RIN2: variants seen among roughly 807,000 people sequenced by gnomAD.
The protein encoded by RIN2 is RAB5 interacting protein 2.
RIN2 carries 36 observed loss-of-function variants against 78.0 expected under a neutral mutation model. That is an observed-to-expected ratio of 0.46 (90% CI 0.35 to 0.61). RIN2 has a LOEUF of 0.61. Ranked by LOEUF, RIN2 falls within the 20% of genes least tolerant of loss-of-function variation. The probability of loss-of-function intolerance (pLI) is 0.00; values close to 1 mark genes in which losing one functional copy is unlikely to be tolerated. For synonymous variants in RIN2, 466 were observed against 466.8 expected (o/e 1.00, Z 0.02); for missense variants, 1,087 against 1,159.7 (o/e 0.94, Z 0.91).
chr20:19,921,571 G>GCTC (rs1268734078), intron 3 of RIN2, among the ~76,000 whole-genome samples: 6 of 152,334 alleles, frequency 3.9e-5, no homozygotes, highest in African/African-American at 1.4e-4. Flanking sequence ...CAGCATTCCT[G>GCTC]CTCCGTGGAA....
At position 19,996,824 on chromosome 20, in the gene RIN2, C is replaced by T. The variant is rs2042982625; in HGVS notation, c.2346C>T (p.Pro782=). ...GGAGAACCACCAACCGGACCATCCCCTCTGTGGACGACTTCCAGGTGTGCA... is the reference window on the plus strand; with the variant it reads ...GGAGAACCACCAACCGGACCATCCCTTCTGTGGACGACTTCCAGGTGTGCA... ...HKRRTTNRTI[P]SVDDFQNYLR... Residue 782 remains proline (P), a synonymous_variant, in exon 12 of 13, where the codon CCC becomes CCT. Transcript: ENST00000255006. 3 of 1,597,846 alleles carry T rather than the reference C, an allele frequency of 1.9e-6. No individual in the cohort carries two copies. The highest frequency in any genetic ancestry group is 1.3e-5 in the African/African-American group (1 of 74,656).
At chr20:19,995,808 T>A (rs551957995) in intron 11 of RIN2, among the ~76,000 whole-genome samples, 31 of 152,278 alleles carry the variant, frequency 2.0e-4, no homozygotes, top group South Asian at 1.0e-3. Flanking sequence ...TTGCGTTTTT[T>A]CCTTTTTACT....
In RIN2 at chr20:19,887,956, G is replaced by A. The variant is rs183997078; in HGVS notation, c.-36-1610G>A. Among the ~76,000 whole-genome samples the A allele has an allele frequency of 2.9e-4, 44 of 152,250 alleles. 1 individual carries two copies. In the East Asian group the frequency reaches 7.2e-3, roughly 25 times the overall value. On this transcript the variant is annotated intron_variant, in intron 2 of 12. Coordinates refer to ENST00000255006, the MANE Select transcript of RIN2 (RefSeq NM_018993.4). ...AAGGTGACAGTGTGGCTCCCATTCC[G>A]TCCCTAGTTCTGAGCATGGCACTGT... is the stretch of plus-strand genomic sequence containing the variant.
chr20:19,936,655 G>T (rs1250178213), intron 4 of RIN2, among the ~76,000 whole-genome samples: 3 of 152,160 alleles, frequency 2.0e-5, no homozygotes, highest in African/African-American at 4.8e-5. Context: ...CATGTGAGGG[G>T]CCCTCAAGAT....
chr20:19,786,577 T>C (rs1383958351), intron 1 of RIN2, among the ~76,000 whole-genome samples: 4 of 152,216 alleles, frequency 2.6e-5, no homozygotes, highest in Non-Finnish European at 5.9e-5. Flanking sequence ...AAGCCCTTCC[T>C]GAATTCCAGA....
At chr20:19,909,168 C>T (rs568020105) in intron 3 of RIN2, among the ~76,000 whole-genome samples, 116 of 152,194 alleles carry the variant, frequency 7.6e-4, no homozygotes, top group Middle Eastern at 6.8e-3. Flanking sequence ...CCAGTCTGCT[C>T]TTCAGTTTTT....
chr20:19,896,446 C>T (rs944419845), intron 3 of RIN2, among the ~76,000 whole-genome samples: 1 of 152,164 alleles, frequency 6.6e-6, no homozygotes, highest in Non-Finnish European at 1.5e-5. Flanking sequence ...TGAGCAAATC[C>T]TTACATGGTT....
chr20:19,891,461 A>G lies in RIN2; in HGVS notation c.57+1803A>G, dbSNP rs142630515. Reference sequence around the variant, plus strand: ...GCTAGTCCATAATTACCACCTTATGATGGTCAGGAAGCACAGTGGAGCCGT... The same window carrying G: ...GCTAGTCCATAATTACCACCTTATGGTGGTCAGGAAGCACAGTGGAGCCGT... On this transcript the variant is annotated intron_variant, in intron 3 of 12. Transcript: ENST00000255006. Among the ~76,000 whole-genome samples, 1,004 of 152,318 alleles carry G rather than the reference A, an allele frequency of 6.6e-3. 9 individuals carry two copies. The highest frequency in any genetic ancestry group is 0.011 in the Non-Finnish European group (738 of 68,026).
intron 4 of RIN2, among the ~76,000 whole-genome samples, chr20:19,955,297 T>A (rs1327044506): frequency 6.6e-6 from 1 of 152,214 alleles, no homozygotes; most frequent in Non-Finnish European, 1.5e-5. Context: ...CATTCCTTTT[T>A]ATGGCTGAAT....
At chr20:19,827,643 A>G (rs912201843) in intron 2 of RIN2, among the ~76,000 whole-genome samples, 6 of 152,142 alleles carry the variant, frequency 3.9e-5, no homozygotes, top group East Asian at 1.9e-4. Flanking sequence ...GAAAATGCCT[A>G]TAGAAGATCC....
At chr20:19,794,266 A>T (rs2034979680) in intron 1 of RIN2, among the ~76,000 whole-genome samples, 1 of 152,176 alleles carries the variant, frequency 6.6e-6, no homozygotes, top group Admixed American at 6.5e-5. Context: ...TCAAAAAAAG[A>T]TTCAGTGGGC....
chr20:19,815,972 A>C (rs1445514533), intron 2 of RIN2, among the ~76,000 whole-genome samples: 1 of 152,210 alleles, frequency 6.6e-6, no homozygotes, highest in Non-Finnish European at 1.5e-5. Flanking sequence ...AAAAAGATAA[A>C]CGTCTTCTTT....
intron 2 of RIN2, chr20:19,824,059 C>CCAGGGACT: frequency 1.5e-6 from 1 of 650,408 alleles, no homozygotes. Flanking sequence ...CTATGGCCCC[C>CCAGGGACT]CAGGGACTGG....
intron 12 of RIN2, among the ~76,000 whole-genome samples, chr20:19,999,344 A>G (rs115251375): frequency 2.0e-3 from 305 of 152,318 alleles, no homozygotes; most frequent in African/African-American, 6.6e-3. Flanking sequence ...CCTCTCCTGC[A>G]AAGTCACTGG....
intron 2 of RIN2, among the ~76,000 whole-genome samples, chr20:19,869,911 G>A (rs2037637133): frequency 6.6e-6 from 1 of 152,042 alleles, no homozygotes; most frequent in Non-Finnish European, 1.5e-5. Flanking sequence ...GCGTCCCAAA[G>A]CATTGGGATT....
intron 2 of RIN2, among the ~76,000 whole-genome samples, chr20:19,839,055 A>G (rs982496357): frequency 3.9e-5 from 6 of 152,208 alleles, no homozygotes; most frequent in African/African-American, 1.4e-4. Flanking sequence ...TTGTTTCTGC[A>G]GTGGGAGGAG....
chr20:19,806,875 T>G (rs1372855333), intron 2 of RIN2, among the ~76,000 whole-genome samples: 1 of 142,726 alleles, frequency 7.0e-6, no homozygotes, highest in Non-Finnish European at 1.6e-5. Context: ...AGATCCTGTC[T>G]CAAAAAGAAA....
At chr20:19,855,070 A>T (rs1237399217) in intron 2 of RIN2, among the ~76,000 whole-genome samples, 1 of 152,102 alleles carries the variant, frequency 6.6e-6, no homozygotes, top group Non-Finnish European at 1.5e-5. Flanking sequence ...TACCTAATTT[A>T]TTGAGAGTTT....
intron 4 of RIN2, among the ~76,000 whole-genome samples, chr20:19,952,213 A>G (rs1311486771): frequency 6.6e-6 from 1 of 152,196 alleles, no homozygotes; most frequent in Non-Finnish European, 1.5e-5. Context: ...ACATATCAGT[A>G]TGTCACTGGC....
Sources: gnomAD v4.1 joint callset for allele counts (sites outside exome capture counted in the v4.1 genomes callset) on GRCh38, gnomAD v4.1.1 for gene constraint, MANE v1.5 for transcripts, NCBI Gene and HGNC (gene_info 2026-07-23, HGNC 2026-07-21) for gene names.